Variants in KIF16B observed in about 807,000 individuals in gnomAD.
KIF16B encodes the protein kinesin family member 16B, also known as kinesin-like protein KIF16B.
KIF16B carries 98 observed loss-of-function variants against 156.3 expected under a neutral mutation model. The observed-to-expected ratio is 0.63, with a 90% confidence interval of 0.53 to 0.74. The LOEUF is 0.74. KIF16B is among the 30% of genes least tolerant of loss of function. KIF16B has a pLI of 0.00. For synonymous variants in KIF16B, 564 were observed against 583.7 expected (o/e 0.97, Z 0.49); for missense variants, 1,421 against 1,606.5 (o/e 0.88, Z 1.97).
In KIF16B at chr20:16,512,963, TAAAAGC is replaced by T. The variant is rs773503089; in HGVS notation, c.349-46_349-41del. 6.3e-6 allele frequency: 9 copies of T among 1,419,390 alleles called. No individual in the cohort carries two copies. The South Asian group carries it at 1.0e-4, about 16-fold the overall frequency. The allele number at this position is 1,419,390 out of a possible 1,614,324, so 87.9% of individuals were successfully genotyped here. ...CCAATGTCACAGCTGTCACTCAAAATAAAAGCAACTGATGACTGAATTTGCAATTTG... is the reference window on the plus strand; with the variant it reads ...CCAATGTCACAGCTGTCACTCAAAATAACTGATGACTGAATTTGCAATTTG... On this transcript the variant is annotated intron_variant, in intron 4 of 25. Coordinates refer to ENST00000354981, the MANE Select transcript of KIF16B (RefSeq NM_024704.5).
chr20:16,465,579 A>G (rs1343970581), intron 12 of KIF16B, among the ~76,000 whole-genome samples: 2 of 152,380 alleles, frequency 1.3e-5, no homozygotes, highest in South Asian at 2.1e-4. Context: ...AAATCTCTAC[A>G]TGAATTATCT....
At chr20:16,371,808 A>G in intron 20 of KIF16B, 47 bp from the exon 21 acceptor site, 5 of 1,306,790 alleles carry the variant, frequency 3.8e-6, no homozygotes, top group Non-Finnish European at 5.5e-6. Flanking sequence ...CTAACCACAC[A>G]GGACATTCTG....
chr20:16,401,810 A>T (rs2065663772), intron 17 of KIF16B, among the ~76,000 whole-genome samples: 1 of 152,206 alleles, frequency 6.6e-6, no homozygotes, highest in Admixed American at 6.5e-5. Context: ...GCTAAAGTGC[A>T]GATCCAAGCC....
intron 25 of KIF16B, among the ~76,000 whole-genome samples, chr20:16,282,026 C>G (rs1196074355): frequency 7.0e-6 from 1 of 142,474 alleles, no homozygotes; most frequent in Non-Finnish European, 1.5e-5. Context: ...TTTTCTTTTT[C>G]TGTTTCTTTT....
At chr20:16,569,111 A>G (rs981289063) in intron 1 of KIF16B, among the ~76,000 whole-genome samples, 3 of 152,148 alleles carry the variant, frequency 2.0e-5, no homozygotes, top group Middle Eastern at 3.2e-3. Flanking sequence ...CCTACCATGT[A>G]TGAGGACCTG....
chr20:16,396,788 T>TC (rs1600286124), intron 17 of KIF16B, among the ~76,000 whole-genome samples: 1 of 152,078 alleles, frequency 6.6e-6, no homozygotes, highest in African/African-American at 2.4e-5. Flanking sequence ...TTAGGGGCCT[T>TC]CCGTGGCTGC....
rs552734838 is a variant in KIF16B, at chr20:16,489,752, G to A, written c.1302+4539C>T. Among the ~76,000 whole-genome samples, 5 of 140,362 alleles carry A rather than the reference G, an allele frequency of 3.6e-5. No individual in the cohort carries two copies. In the South Asian group the frequency reaches 6.5e-4, roughly 18 times the overall value. The allele number at this position is 140,362 out of a possible 152,430, so 92.1% of individuals were successfully genotyped here. A position where few individuals can be genotyped will look rare whatever the true frequency, so the allele number is the denominator to read the frequency against. On this transcript the variant is annotated intron_variant, in intron 12 of 25. Coordinates refer to ENST00000354981, the MANE Select transcript of KIF16B (RefSeq NM_024704.5). The stretch of plus-strand genomic sequence containing the variant: ...TTGAAGGTACAGACCCGTCCCCTGG[G>A]GATCTTATAAAATACGGATTCTGAT...
intron 23 of KIF16B, among the ~76,000 whole-genome samples, chr20:16,350,762 G>T (rs903511617): frequency 6.6e-6 from 1 of 151,926 alleles, no homozygotes; most frequent in East Asian, 1.9e-4. Flanking sequence ...AAGGGCACAC[G>T]GTCACTCAGT....
At chr20:16,500,091 G>C (rs2146969949) in intron 10 of KIF16B, among the ~76,000 whole-genome samples, 1 of 152,194 alleles carries the variant, frequency 6.6e-6, no homozygotes, top group South Asian at 2.1e-4. Flanking sequence ...TGCCCAACAG[G>C]TGAAAAGGAC....
At position 16,505,820 on chromosome 20, in the gene KIF16B, G is replaced by A; in HGVS notation, c.902C>T (p.Ala301Val). ...DLSQDAANTL[A>V]KKKQVFVPYR... ...AGGCACGAAAACTTGCTTCTTCTTTGCAAGAGTATTTGCAGCATCCTGAGA... is the reference window on the plus strand; with the variant it reads ...AGGCACGAAAACTTGCTTCTTCTTTACAAGAGTATTTGCAGCATCCTGAGA... The change falls in exon 9 of 26, where the codon GCA becomes GTA. Residue 301 changes from alanine to valine, a missense_variant. Physicochemically the swap from Ala to Val is moderately conservative, Grantham distance 64. Transcript: ENST00000354981. 6.2e-7 allele frequency: 1 copy of A among 1,613,882 alleles called. No individual in the cohort carries two copies. The highest frequency in any genetic ancestry group is 8.5e-7 in the Non-Finnish European group (1 of 1,179,856).
intron 12 of KIF16B, among the ~76,000 whole-genome samples, chr20:16,452,559 G>A (rs1230919972): frequency 2.0e-5 from 3 of 152,112 alleles, no homozygotes; most frequent in African/African-American, 7.2e-5. Context: ...CAGGAGGCCG[G>A]GAGCAGTGGC....
At chr20:16,390,213 A>C (rs1310154426) in intron 17 of KIF16B, among the ~76,000 whole-genome samples, 1 of 152,220 alleles carries the variant, frequency 6.6e-6, no homozygotes, top group Non-Finnish European at 1.5e-5. Context: ...AGACTTTCCA[A>C]GGAGCCAGTC....
intron 22 of KIF16B, chr20:16,368,195 G>C: frequency 9.4e-7 from 1 of 1,061,582 alleles, no homozygotes; most frequent in Non-Finnish European, 1.1e-6. Flanking sequence ...AATTGCACAA[G>C]GCTCTGCTTA....
At chr20:16,404,926 G>C (rs2065744218) in intron 16 of KIF16B, 25 bp from the exon 17 acceptor site, 1 of 1,570,492 alleles carries the variant, frequency 6.4e-7, no homozygotes, top group African/African-American at 1.4e-5. Context: ...AGGGCAGAGT[G>C]GTTACCTTAG....
rs1046808109 is a variant in KIF16B, at chr20:16,549,026, GT to G, written c.48-20587del. On this transcript the variant is annotated intron_variant, in intron 1 of 25. Transcript: ENST00000354981. ...CTCATTTTCGGTTTTTTTTTTTTAT[GT>G]TTTTTTTTCGTTAGTTTTTTTTTTA... 3.3e-4 allele frequency among the ~76,000 whole-genome samples: 41 copies of G among 124,290 alleles called. No individual in the cohort carries two copies. The South Asian group carries it at 4.0e-3, about 12-fold the overall frequency. The allele number at this position is 124,290 out of a possible 152,430, so 81.5% of individuals were successfully genotyped here.
chr20:16,276,387 C>A (rs2063061419), intron 25 of KIF16B, among the ~76,000 whole-genome samples: 1 of 152,262 alleles, frequency 6.6e-6, no homozygotes, highest in South Asian at 2.1e-4. Context: ...ATGTCTTTTT[C>A]TTTAAATAAA....
chr20:16,558,560 T>C (rs1366262472), intron 1 of KIF16B, among the ~76,000 whole-genome samples: 2 of 152,192 alleles, frequency 1.3e-5, no homozygotes, highest in East Asian at 3.9e-4. Flanking sequence ...ATCATCTGTT[T>C]ACATGGCAAA....
At chr20:16,328,984 G>C (rs896899745) in intron 24 of KIF16B, among the ~76,000 whole-genome samples, 2 of 152,226 alleles carry the variant, frequency 1.3e-5, no homozygotes, top group African/African-American at 4.8e-5. Context: ...TTAGGCTCTA[G>C]CATTTGAAAA....
chr20:16,436,781 G>C (rs2066652190), intron 12 of KIF16B, among the ~76,000 whole-genome samples: 1 of 152,068 alleles, frequency 6.6e-6, no homozygotes, highest in African/African-American at 2.4e-5. Context: ...ATCTGTGATG[G>C]AATCACCAAC....
Sources: gnomAD v4.1 joint callset for allele counts (sites outside exome capture counted in the v4.1 genomes callset) on GRCh38, gnomAD v4.1.1 for gene constraint, MANE v1.5 for transcripts, NCBI Gene and HGNC (gene_info 2026-07-23, HGNC 2026-07-21) for gene names.